The following SLC30A4 variants were observed in gnomAD, a reference collection of about 807,000 sequenced individuals.
The protein encoded by SLC30A4 is probable proton-coupled zinc antiporter SLC30A4.
Under a neutral mutation model 41.7 loss-of-function variants are expected in SLC30A4, and 20 were observed. The ratio of observed to expected loss-of-function variants is 0.48; its 90% CI spans 0.34 to 0.70. The LOEUF (loss-of-function observed/expected upper bound fraction) is 0.70, where lower values mean the gene tolerates loss of function less well. Ranked by LOEUF, SLC30A4 falls within the 30% of genes least tolerant of loss-of-function variation. The probability of loss-of-function intolerance (pLI) is 0.01; values close to 1 mark genes in which losing one functional copy is unlikely to be tolerated. For missense variants in SLC30A4, 441 were observed against 529.3 expected, an observed-to-expected ratio of 0.83 and a Z score of 1.64; for synonymous variants, 181 against 195.9, an observed-to-expected ratio of 0.92 and a Z score of 0.64.
chr15:45,522,142 G>C lies in SLC30A4; in HGVS notation c.213C>G (p.Ala71=), dbSNP rs541892932. 5.6e-6 allele frequency: 9 copies of C among 1,614,200 alleles called. No individual in the cohort carries two copies. The East Asian group carries it at 6.7e-5, about 12-fold the overall frequency. ...CTTGGTCCAGTAAGGAATCATCGTCGGCCTGGAGGGTCGGGTGCGCCCCGT... is the reference window on the plus strand; with the variant it reads ...CTTGGTCCAGTAAGGAATCATCGTCCGCCTGGAGGGTCGGGTGCGCCCCGT... ...PVNGAHPTLQ[A]DDDSLLDQDL... Residue 71 remains alanine (A), a synonymous_variant, in exon 2 of 8, where the codon GCC becomes GCG. Coordinates refer to ENST00000261867, the MANE Select transcript of SLC30A4 (RefSeq NM_013309.6).
intron 3 of SLC30A4, among the ~76,000 whole-genome samples, chr15:45,491,564 T>C (rs1891810898): frequency 6.6e-6 from 1 of 152,210 alleles, no homozygotes; most frequent in Non-Finnish European, 1.5e-5. Flanking sequence ...CCGTCTCTCT[T>C]GGTTTTTCCC....
chr15:45,492,599 T>C (rs1011124181), intron 3 of SLC30A4, among the ~76,000 whole-genome samples: 1 of 152,022 alleles, frequency 6.6e-6, no homozygotes, highest in Non-Finnish European at 1.5e-5. Flanking sequence ...AAGTGATTAG[T>C]AGGGACCTTG....
chr15:45,509,925 A>G (rs1038547132), intron 3 of SLC30A4, among the ~76,000 whole-genome samples: 1 of 152,158 alleles, frequency 6.6e-6, no homozygotes, highest in African/African-American at 2.4e-5. Flanking sequence ...CACAAAAATT[A>G]GCTGAGCATG....
In SLC30A4 at chr15:45,522,221, T is replaced by C. The variant is rs748017939; in HGVS notation, c.134A>G (p.Lys45Arg). 5.6e-6 allele frequency: 9 copies of C among 1,614,068 alleles called. No homozygotes were observed. In the Admixed American group the frequency reaches 8.3e-5, roughly 15 times the overall value. ...GTCATCGGCCACCACAACTCGAAGT[T>C]TGTTGAACCGAGAAAGCCCCTCGTC... ...AGDEGLSRFN[K>R]LRVVVADDGS... The change falls in exon 2 of 8, where the codon AAA becomes AGA. Residue 45 changes from lysine to arginine, a missense_variant. Physicochemically the swap from Lys to Arg is conservative, Grantham distance 26. This residue lies in a region of SLC30A4 where 312 missense variants were observed against 341.9 expected (regional missense o/e 0.91). Transcript: ENST00000261867.
chr15:45,518,249 A>G (rs1227377229), intron 2 of SLC30A4, among the ~76,000 whole-genome samples: 2 of 152,098 alleles, frequency 1.3e-5, no homozygotes, highest in Non-Finnish European at 2.9e-5. Context: ...TCCATGCATA[A>G]ACTATGTCCT....
At chr15:45,497,608 G>A (rs1280921767) in intron 3 of SLC30A4, among the ~76,000 whole-genome samples, 1 of 151,980 alleles carries the variant, frequency 6.6e-6, no homozygotes, top group Non-Finnish European at 1.5e-5. Flanking sequence ...AGTTTGAATG[G>A]CTAATAAATG....
chr15:45,510,698 A>T (rs976791285), intron 3 of SLC30A4, among the ~76,000 whole-genome samples: 1 of 152,222 alleles, frequency 6.6e-6, no homozygotes, highest in East Asian at 1.9e-4. Context: ...AATTATGTTG[A>T]TACGATGGCT....
chr15:45,514,639 C>A (rs1261726825), intron 2 of SLC30A4, among the ~76,000 whole-genome samples: 1 of 150,952 alleles, frequency 6.6e-6, no homozygotes, highest in Non-Finnish European at 1.5e-5. Flanking sequence ...CTCAGCCTCC[C>A]GAGTAGCTGG....
chr15:45,510,755 T>G (rs1892270194), intron 3 of SLC30A4, among the ~76,000 whole-genome samples: 1 of 152,264 alleles, frequency 6.6e-6, no homozygotes, highest in Non-Finnish European at 1.5e-5. Flanking sequence ...GTGATAGCTC[T>G]GCTTAAAATC....
chr15:45,493,623 C>T (rs1273621339), intron 3 of SLC30A4, among the ~76,000 whole-genome samples: 1 of 152,032 alleles, frequency 6.6e-6, no homozygotes, highest in Non-Finnish European at 1.5e-5. Flanking sequence ...GTCAGGAGTT[C>T]GAGACCAGCC....
chr15:45,521,539 T>C (rs1261955833), intron 2 of SLC30A4, among the ~76,000 whole-genome samples: 1 of 144,858 alleles, frequency 6.9e-6, no homozygotes, highest in Admixed American at 6.9e-5. Context: ...TCCTTACATG[T>C]AAAAAAAAAA....
At chr15:45,493,280 G>A (rs1303927458) in intron 3 of SLC30A4, among the ~76,000 whole-genome samples, 2 of 152,124 alleles carry the variant, frequency 1.3e-5, no homozygotes, top group African/African-American at 2.4e-5. Context: ...TGAAACAAGC[G>A]TTAACCCTCA....
chr15:45,515,113 T>C (rs1892427523), intron 2 of SLC30A4, among the ~76,000 whole-genome samples: 1 of 151,966 alleles, frequency 6.6e-6, no homozygotes, highest in South Asian at 2.1e-4. Flanking sequence ...TCTTGAATTC[T>C]TGGACTCAGG....
In SLC30A4 at chr15:45,511,133, C is replaced by T; in HGVS notation, c.538+5G>A. The T allele has an allele frequency of 6.2e-7, 1 of 1,610,054 alleles. No individual in the cohort carries two copies. The highest frequency in any genetic ancestry group is 8.5e-7 in the Non-Finnish European group (1 of 1,177,516). On this transcript the variant is annotated splice_donor_5th_base_variant and intron_variant, in intron 3 of 7. Coordinates refer to ENST00000261867, the MANE Select transcript of SLC30A4 (RefSeq NM_013309.6). ...TATAAAGCAAAAGAAACACCAACTA[C>T]CTACCTAAGCGATGAAATCCAAAGG...
Position 45,483,457 on chromosome 15 carries a change from T to C in SLC30A4, c.*1706A>G, listed in dbSNP as rs1021216678. The C allele has an allele frequency of 1.3e-5, 2 of 152,208 alleles. No individual in the cohort carries two copies. The highest frequency in any genetic ancestry group is 4.8e-5 in the African/African-American group (2 of 41,458). 9.4% of individuals were successfully genotyped at this position (152,208 alleles called of 1,614,324 possible). On this transcript the variant is annotated 3_prime_UTR_variant, in exon 8 of 8. Transcript: ENST00000261867. Reference sequence around the variant, plus strand: ...AAACCAATGGTTGCAAAATGAAACATGAACAGTCAAGCTGCCTCTTTAACA... The same window carrying C: ...AAACCAATGGTTGCAAAATGAAACACGAACAGTCAAGCTGCCTCTTTAACA...
chr15:45,490,055 C>G (rs187983123), intron 4 of SLC30A4, among the ~76,000 whole-genome samples: 202 of 152,238 alleles, frequency 1.3e-3, no homozygotes, highest in Admixed American at 2.7e-3. Flanking sequence ...TGACTCTGGT[C>G]TAAATGATTA....
chr15:45,503,860 C>A (rs887711663), intron 3 of SLC30A4, among the ~76,000 whole-genome samples: 1 of 152,050 alleles, frequency 6.6e-6, no homozygotes. Context: ...ACAGGAGAAT[C>A]GCTTGAACCC....
intron 3 of SLC30A4, among the ~76,000 whole-genome samples, chr15:45,495,333 G>T (rs775967238): frequency 3.9e-5 from 6 of 152,060 alleles, no homozygotes; most frequent in Non-Finnish European, 8.8e-5. Flanking sequence ...CCTAGTTTAT[G>T]TTTGCTGTTC....
chr15:45,507,927 A>C (rs553572334), intron 3 of SLC30A4, among the ~76,000 whole-genome samples: 1 of 152,166 alleles, frequency 6.6e-6, no homozygotes, highest in African/African-American at 2.4e-5. Flanking sequence ...TTAGGGCAGA[A>C]GGATAGGGAA....
Sources: allele counts gnomAD v4.1 joint callset (sites outside exome capture counted in the v4.1 genomes callset), GRCh38; gene constraint gnomAD v4.1.1; regional missense constraint gnomAD v4.1.1; transcripts MANE v1.5; gene names NCBI Gene and HGNC (gene_info 2026-07-23, HGNC 2026-07-21).